Variants in MPC2 observed in about 807,000 individuals in gnomAD.
MPC2 encodes mitochondrial pyruvate carrier 2.
Under a neutral mutation model 19.2 loss-of-function variants are expected in MPC2, and 19 were observed. The observed-to-expected ratio is 0.99, with a 90% CI of 0.69 to 1.45. The LOEUF is 1.45. MPC2 is among the 40% of genes most tolerant of loss of function. The pLI is 0.00. For missense variants in MPC2, 122 were observed against 153.0 expected, an observed-to-expected ratio of 0.80 and a Z score of 1.07; for synonymous variants, 61 against 54.3, an observed-to-expected ratio of 1.12 and a Z score of -0.54.
chr1:167,936,082 G>A, intron 1 of MPC2, 184 bp from the exon 2 acceptor site: 2 of 565,014 alleles, frequency 3.5e-6, no homozygotes, highest in Non-Finnish European at 6.4e-6. Context: ...TCCGGCCCCC[G>A]GCAGGAGAGA....
intron 2 of MPC2, among the ~76,000 whole-genome samples, chr1:167,925,709 G>A (rs566365629): frequency 6.6e-6 from 1 of 151,124 alleles, no homozygotes; most frequent in East Asian, 1.9e-4. Flanking sequence ...ACCACACCCG[G>A]CTAATTTTTT....
chr1:167,925,521 T>G (rs1181116621), intron 2 of MPC2, among the ~76,000 whole-genome samples: 4 of 121,000 alleles, frequency 3.3e-5, no homozygotes, highest in Non-Finnish European at 6.9e-5. Flanking sequence ...ACAAACAACG[T>G]TTTTTTTTTT....
intron 2 of MPC2, among the ~76,000 whole-genome samples, chr1:167,925,009 A>C (rs550626852): frequency 3.3e-4 from 50 of 152,180 alleles, no homozygotes; most frequent in African/African-American, 1.1e-3. Flanking sequence ...CTTCCCTCCA[A>C]TTTTTGCTTA....
rs533244024 is a variant in MPC2, at chr1:167,918,188, T to C, written c.*135A>G. Reference sequence around the variant, plus strand: ...ATTAAAAGTTTGCTGCATTTTTCTATTGAATCAAGAACTAGCTACCAGTTA... The same window carrying C: ...ATTAAAAGTTTGCTGCATTTTTCTACTGAATCAAGAACTAGCTACCAGTTA... On this transcript the variant is annotated 3_prime_UTR_variant, in exon 6 of 6. Coordinates refer to ENST00000271373, the MANE Select transcript of MPC2 (RefSeq NM_001143674.4). 23 of 617,880 alleles carry C rather than the reference T, an allele frequency of 3.7e-5. No homozygotes were observed. The highest frequency in any genetic ancestry group is 3.6e-4 in the African/African-American group (19 of 53,342). 38.3% of individuals were successfully genotyped at this position (617,880 alleles called of 1,614,324 possible).
Position 167,935,802 on chromosome 1 carries a change from G to A in MPC2, c.40C>T (p.His14Tyr). The change falls in exon 2 of 6, where the codon CAC becomes TAC. Residue 14 changes from histidine (H) to tyrosine (Y), a missense_variant. By Grantham distance (83) the His-to-Tyr change is moderately conservative. Transcript: ENST00000271373. ...AGARGLRATY[H>Y]RLLDKVELML... ...AGCTCCACTTTATCGAGGAGCCGGTGGTAGGTGGCCCGCAGGCCTCGGGCA... is the reference window on the plus strand; with the variant it reads ...AGCTCCACTTTATCGAGGAGCCGGTAGTAGGTGGCCCGCAGGCCTCGGGCA... 7.1e-6 allele frequency: 11 copies of A among 1,558,442 alleles called. No individual in the cohort carries two copies. The highest frequency in any genetic ancestry group is 9.6e-6 in the Non-Finnish European group (11 of 1,151,614).
Position 167,926,571 on chromosome 1 carries a change from C to G in MPC2, c.110-2034G>C, listed in dbSNP as rs77553401. Among the ~76,000 whole-genome samples the G allele has an allele frequency of 4.5e-3, 686 of 152,296 alleles. 8 individuals carry two copies. The East Asian group carries it at 0.056, about 13-fold the overall frequency. ...AGCGGTTCTCAACCAGGAGTGTCCCCCCAGGGGCATTTTTAGTTGCCCCAA... is the reference window on the plus strand; with the variant it reads ...AGCGGTTCTCAACCAGGAGTGTCCCGCCAGGGGCATTTTTAGTTGCCCCAA... On this transcript the variant is annotated intron_variant, in intron 2 of 5. Coordinates refer to ENST00000271373, the MANE Select transcript of MPC2 (RefSeq NM_001143674.4).
chr1:167,917,597 CAAAA>C lies in MPC2; in HGVS notation c.*722_*725del, dbSNP rs36120795. On this transcript the variant is annotated 3_prime_UTR_variant, in exon 6 of 6. Coordinates refer to ENST00000271373, the MANE Select transcript of MPC2 (RefSeq NM_001143674.4). Reference sequence around the variant, plus strand: ...TGGGCCACAGAGCGAGACCCTGTCTCAAAAAAAAAAAAAAAAAAAAAGTCACAAC... The same window carrying C: ...TGGGCCACAGAGCGAGACCCTGTCTCAAAAAAAAAAAAAAAAAGTCACAAC... 5 of 79,834 alleles carry C rather than the reference CAAAA, an allele frequency of 6.3e-5. No individual in the cohort carries two copies. Among genetic ancestry groups the C allele is most frequent in the Non-Finnish European group, 7.3e-5 (3 of 40,930 alleles). The allele number at this position is 79,834 out of a possible 1,614,324, so 4.9% of individuals were successfully genotyped here.
At chr1:167,930,208 T>G (rs1487541146) in intron 2 of MPC2, among the ~76,000 whole-genome samples, 2 of 152,212 alleles carry the variant, frequency 1.3e-5, no homozygotes, top group African/African-American at 2.4e-5. Flanking sequence ...AGATAATGTT[T>G]TTAAAAATGT....
chr1:167,923,083 GA>G (rs759665170), intron 3 of MPC2, among the ~76,000 whole-genome samples: 8 of 152,188 alleles, frequency 5.3e-5, no homozygotes, highest in Non-Finnish European at 8.8e-5. Context: ...AGGATGTGGA[GA>G]AATTAGAACA....
intron 2 of MPC2, among the ~76,000 whole-genome samples, chr1:167,931,190 C>T (rs897066930): frequency 4.6e-5 from 7 of 152,196 alleles, no homozygotes; most frequent in Non-Finnish European, 1.0e-4. Flanking sequence ...CCTCGGCCTC[C>T]CAAAGTGCTG....
chr1:167,928,164 C>T (rs1160607864), intron 2 of MPC2, among the ~76,000 whole-genome samples: 1 of 151,960 alleles, frequency 6.6e-6, no homozygotes, highest in Non-Finnish European at 1.5e-5. Flanking sequence ...CTGGCTAACA[C>T]GGTGAAACCC....
At chr1:167,928,144 C>T (rs532678454) in intron 2 of MPC2, among the ~76,000 whole-genome samples, 2 of 151,968 alleles carry the variant, frequency 1.3e-5, no homozygotes, top group African/African-American at 2.4e-5. Context: ...GTCAGAAGAT[C>T]GAGACCATCC....
chr1:167,922,992 A>G (rs1014231137), intron 3 of MPC2, among the ~76,000 whole-genome samples: 1 of 152,196 alleles, frequency 6.6e-6, no homozygotes, highest in African/African-American at 2.4e-5. Context: ...AATAAAAACA[A>G]AGATATCTAA....
chr1:167,925,826 C>T (rs1007627368), intron 2 of MPC2, among the ~76,000 whole-genome samples: 20 of 152,044 alleles, frequency 1.3e-4, no homozygotes, highest in African/African-American at 4.8e-4. Context: ...GGATTACAGG[C>T]GTGAGCCACC....
At chr1:167,921,927 C>T (rs1471417167) in intron 3 of MPC2, among the ~76,000 whole-genome samples, 1 of 151,850 alleles carries the variant, frequency 6.6e-6, no homozygotes, top group African/African-American at 2.4e-5. Flanking sequence ...TAGGATTATC[C>T]ACTTTGACCT....
At chr1:167,919,164 G>C (rs1670540376) in intron 5 of MPC2, among the ~76,000 whole-genome samples, 1 of 152,170 alleles carries the variant, frequency 6.6e-6, no homozygotes, top group Non-Finnish European at 1.5e-5. Flanking sequence ...ATATACTTCT[G>C]TGATGCAGGC....
At chr1:167,926,613 G>C (rs1022401150) in intron 2 of MPC2, among the ~76,000 whole-genome samples, 11 of 152,180 alleles carry the variant, frequency 7.2e-5, no homozygotes, top group African/African-American at 2.7e-4. Context: ...TGCCCCAACT[G>C]CTGCAGATGC....
In MPC2 at chr1:167,924,521, G is replaced by C; in HGVS notation, c.126C>G (p.Phe42Leu). ...YNHPAGPRTVFFWAPIMKWGL... is the reference protein window; with the variant it reads ...YNHPAGPRTVLFWAPIMKWGL... ...CCCATTTCATAATTGGAGCCCAGAA[G>C]AAAACTGTTCTGGGACCTGAAAAAA... The change falls in exon 3 of 6, where the codon TTC (phenylalanine) becomes TTG (leucine). Residue 42 changes from phenylalanine (F) to leucine (L), a missense_variant. Physicochemically the swap from Phe to Leu is conservative, Grantham distance 22 (BLOSUM62 0). Transcript: ENST00000271373. 1 of 1,570,570 alleles carries C rather than the reference G, an allele frequency of 6.4e-7. No homozygotes were observed. The highest frequency in any genetic ancestry group is 8.6e-7 in the Non-Finnish European group (1 of 1,160,722).
At chr1:167,936,698 T>A in intron 1 of MPC2, 1 of 558,964 alleles carries the variant, frequency 1.8e-6, no homozygotes, top group Non-Finnish European at 3.2e-6. Flanking sequence ...TTCTGGTTAG[T>A]CTAAGAAGGA....
Sources: allele counts gnomAD v4.1 joint callset (sites outside exome capture counted in the v4.1 genomes callset), GRCh38; gene constraint gnomAD v4.1.1; transcripts MANE v1.5; gene names NCBI Gene and HGNC (gene_info 2026-07-23, HGNC 2026-07-21).